ACO1: variants seen among roughly 807,000 people sequenced by gnomAD.
ACO1 encodes aconitase 1, also known as cytoplasmic aconitate hydratase.
Under a neutral mutation model 105.1 loss-of-function variants are expected in ACO1, and 78 were observed. The observed-to-expected ratio is 0.74, with a 90% CI of 0.62 to 0.90. The LOEUF (loss-of-function observed/expected upper bound fraction) is 0.90. Among genes scored for constraint, ACO1 ranks in the 40% least tolerant of loss-of-function variants. The pLI, the probability that ACO1 is intolerant of heterozygous loss-of-function variation, is 0.00. For missense variants in ACO1, 965 were observed against 1,111.1 expected (o/e 0.87, Z 1.87); for synonymous variants, 364 against 397.4 (o/e 0.92, Z 1.00).
chr9:32,430,642 C>T (rs1822207266), intron 14 of ACO1, 68 bp downstream of exon 14: 6 of 1,490,248 alleles, frequency 4.0e-6, no homozygotes, highest in Non-Finnish European at 4.5e-6. Flanking sequence ...GAAGAAACTG[C>T]TTTCCTTAAT....
intron 9 of ACO1, 26 bp from the exon 10 acceptor site, chr9:32,424,523 T>C (rs1170499486): frequency 1.3e-6 from 2 of 1,504,136 alleles, no homozygotes. Flanking sequence ...GTAAATTCTA[T>C]AATTTCTTTT....
At chr9:32,409,723 G>A (rs191474405) in intron 4 of ACO1, among the ~76,000 whole-genome samples, 45 of 151,940 alleles carry the variant, frequency 3.0e-4, no homozygotes, top group Admixed American at 2.7e-3. Flanking sequence ...GTGTGGTGGT[G>A]TGTGCCTGTG....
At chr9:32,434,515 T>G in intron 16 of ACO1, 44 bp from the exon 17 acceptor site, 2 of 1,611,052 alleles carry the variant, frequency 1.2e-6, no homozygotes, top group Non-Finnish European at 1.7e-6. Flanking sequence ...GTAACTTGTT[T>G]GGGAAAACCT....
chr9:32,411,882 A>T (rs1821746339), intron 4 of ACO1, among the ~76,000 whole-genome samples: 1 of 151,960 alleles, frequency 6.6e-6, no homozygotes, highest in Non-Finnish European at 1.5e-5. Context: ...TTATTTATTT[A>T]TTTATTTATT....
At chr9:32,446,520 A>G (rs1272877937) in intron 19 of ACO1, among the ~76,000 whole-genome samples, 3 of 152,064 alleles carry the variant, frequency 2.0e-5, no homozygotes, top group African/African-American at 7.2e-5. Context: ...CAGCACACTG[A>G]TGGGTCTTGA....
At chr9:32,401,734 G>A (rs1821499874) in intron 1 of ACO1, among the ~76,000 whole-genome samples, 2 of 152,104 alleles carry the variant, frequency 1.3e-5, no homozygotes, top group South Asian at 2.1e-4. Flanking sequence ...CCTTTTACTG[G>A]GAGCATGGCT....
chr9:32,444,668 G>GAAGGAAGAGAAGGA (rs1351516792), intron 19 of ACO1, among the ~76,000 whole-genome samples: 2 of 152,016 alleles, frequency 1.3e-5, no homozygotes, highest in Non-Finnish European at 2.9e-5. Flanking sequence ...TTGATGGGGT[G>GAAGGAAGAGAAGGA]AGAGAGGGCA....
intron 19 of ACO1, among the ~76,000 whole-genome samples, chr9:32,441,472 C>T (rs73477400): frequency 6.6e-6 from 1 of 152,308 alleles, no homozygotes; most frequent in African/African-American, 2.4e-5. Flanking sequence ...GGCAGTTCTC[C>T]AGACATTTAG....
intron 17 of ACO1, 79 bp downstream of exon 17, chr9:32,434,780 C>A: frequency 1.3e-6 from 2 of 1,533,162 alleles, no homozygotes; most frequent in South Asian, 1.2e-5. Context: ...TCTCTTTTCA[C>A]CTGGCCCTTT....
intron 12 of ACO1, among the ~76,000 whole-genome samples, chr9:32,428,635 G>A (rs992942272): frequency 6.6e-6 from 1 of 152,004 alleles, no homozygotes; most frequent in African/African-American, 2.4e-5. Context: ...TCATGAGATC[G>A]AGACCATCCT....
In ACO1 at chr9:32,418,360, T is replaced by G; in HGVS notation, c.507T>G (p.Ile169Met). Reference protein sequence around the residue: ...WGSQAFHNMRIIPPGSGIIHQ... With the variant: ...WGSQAFHNMRMIPPGSGIIHQ... ...CCCAGGCTTTTCACAACATGCGGAT[T>G]ATTCCCCCTGGCTCAGGAATCATCC... The change falls in exon 6 of 21, where the codon ATT (isoleucine) becomes ATG (methionine). Residue 169 changes from isoleucine to methionine, a missense_variant. Transcript: ENST00000309951. 1 of 1,614,174 alleles carries G rather than the reference T, an allele frequency of 6.2e-7. No individual in the cohort carries two copies. Among genetic ancestry groups the G allele is most frequent in the Non-Finnish European group, 8.5e-7 (1 of 1,180,032 alleles).
At chr9:32,406,374 C>T (rs1297990701) in intron 2 of ACO1, among the ~76,000 whole-genome samples, 1 of 152,178 alleles carries the variant, frequency 6.6e-6, no homozygotes, top group African/African-American at 2.4e-5. Flanking sequence ...GTAATCCCTG[C>T]ACTTCGGGAG....
At chr9:32,407,528 C>T in intron 3 of ACO1, 99 bp downstream of exon 3, 1 of 1,135,800 alleles carries the variant, frequency 8.8e-7, no homozygotes, top group Non-Finnish European at 1.2e-6. Context: ...TGACTATATA[C>T]TTTATTAATT....
intron 19 of ACO1, chr9:32,445,938 C>G (rs1406643048): frequency 6.6e-6 from 1 of 152,306 alleles, no homozygotes; most frequent in Non-Finnish European, 1.5e-5. Flanking sequence ...GTTTCTTAAT[C>G]CTGAGTTCTA....
intron 19 of ACO1, among the ~76,000 whole-genome samples, chr9:32,443,432 A>G (rs953658576): frequency 6.6e-6 from 1 of 152,216 alleles, no homozygotes; most frequent in Admixed American, 6.5e-5. Flanking sequence ...AAACCAAGTG[A>G]CTTTTCAAGA....
chr9:32,409,324 T>C (rs1821683793), intron 4 of ACO1, among the ~76,000 whole-genome samples: 3 of 152,226 alleles, frequency 2.0e-5, no homozygotes, highest in Admixed American at 6.5e-5. Flanking sequence ...CTCAGCTCCC[T>C]GAATGCAAGA....
chr9:32,408,205 AG>A (rs1197116500), intron 3 of ACO1, among the ~76,000 whole-genome samples: 1 of 152,238 alleles, frequency 6.6e-6, no homozygotes, highest in African/African-American at 2.4e-5. Flanking sequence ...CACTCACAGC[AG>A]TAAGAGTTCC....
At chr9:32,414,310 C>T (rs1213186098) in intron 4 of ACO1, among the ~76,000 whole-genome samples, 1 of 152,100 alleles carries the variant, frequency 6.6e-6, no homozygotes. Context: ...AAGAAATTTC[C>T]TCTTTAGTCC....
chr9:32,426,442 G>A (rs912616480), intron 11 of ACO1, among the ~76,000 whole-genome samples: 4 of 152,140 alleles, frequency 2.6e-5, no homozygotes, highest in African/African-American at 4.8e-5. Context: ...GGCCTGTTTC[G>A]CAATTCTGGT....
Sources: allele counts gnomAD v4.1 joint callset (sites outside exome capture counted in the v4.1 genomes callset), GRCh38; gene constraint gnomAD v4.1.1; transcripts MANE v1.5; gene names NCBI Gene and HGNC (gene_info 2026-07-23, HGNC 2026-07-21).